STON1: variants seen among roughly 807,000 people sequenced by gnomAD.
STON1 encodes stonin 1, also known as stonin-1.
A neutral mutation model predicts 60.9 loss-of-function variants in STON1; 79 were observed. The observed-to-expected ratio is 1.30, with a 90% CI of 1.08 to 1.56. The LOEUF is 1.56. Ranked by LOEUF, STON1 falls within the 40% of genes most tolerant of loss-of-function variation. The pLI, the probability that STON1 is intolerant of heterozygous loss-of-function variation, is 0.00. For missense variants in STON1, 1,166 were observed against 858.9 expected (o/e 1.36, Z -4.47); for synonymous variants, 363 against 306.9 (o/e 1.18, Z -1.91).
At chr2:48,573,618 A>G (rs1208495583) in intron 1 of STON1, among the ~76,000 whole-genome samples, 1 of 152,188 alleles carries the variant, frequency 6.6e-6, no homozygotes, top group Non-Finnish European at 1.5e-5. Context: ...TAATTTCAGT[A>G]ATTTGTTGTA....
chr2:48,594,898 G>T (rs1196469879), intron 3 of STON1, among the ~76,000 whole-genome samples: 1 of 152,132 alleles, frequency 6.6e-6, no homozygotes, highest in Non-Finnish European at 1.5e-5. Context: ...CAGGTAGAGG[G>T]ATAATTGATC....
chr2:48,557,429 G>C lies in STON1; in HGVS notation c.-47-23158G>C, dbSNP rs1672425442. 2.1e-5 allele frequency among the ~76,000 whole-genome samples: 2 copies of C among 95,630 alleles called. 1 individual carries two copies. The highest frequency in any genetic ancestry group is 7.4e-4 in the South Asian group (2 of 2,692). 62.7% of individuals were successfully genotyped at this position (95,630 alleles called of 152,430 possible). On this transcript the variant is annotated intron_variant, in intron 1 of 3. Coordinates refer to ENST00000404752, the MANE Select transcript of STON1 (RefSeq NM_006873.4). ...TCCTAGATGTGATGGCGGCCGGGCAGAGACGCTCCTCACTTTCCAGACTGG... is the reference window on the plus strand; with the variant it reads ...TCCTAGATGTGATGGCGGCCGGGCACAGACGCTCCTCACTTTCCAGACTGG...
chr2:48,583,444 A>AT (rs1239361313), intron 2 of STON1, among the ~76,000 whole-genome samples: 11 of 152,330 alleles, frequency 7.2e-5, no homozygotes, highest in Middle Eastern at 6.8e-3. Context: ...AATTCAGTTA[A>AT]TTTTTAAAAA....
chr2:48,547,694 A>C (rs996185797), intron 1 of STON1, among the ~76,000 whole-genome samples: 5 of 152,330 alleles, frequency 3.3e-5, no homozygotes, highest in African/African-American at 1.2e-4. Flanking sequence ...AGTTATCTGA[A>C]GGGTGGTCAA....
At chr2:48,570,115 A>G (rs1673125520) in intron 1 of STON1, among the ~76,000 whole-genome samples, 1 of 152,344 alleles carries the variant, frequency 6.6e-6, no homozygotes, top group East Asian at 1.9e-4. Context: ...CAGACAGATC[A>G]CTTGAGGTCA....
chr2:48,593,408 C>A, intron 3 of STON1, among the ~76,000 whole-genome samples: 1 of 152,172 alleles, frequency 6.6e-6, no homozygotes, highest in East Asian at 1.9e-4. Flanking sequence ...AGCCACCACA[C>A]CTGGCCTAAA....
chr2:48,567,071 A>AG (rs1672980464), intron 1 of STON1, among the ~76,000 whole-genome samples: 1 of 152,252 alleles, frequency 6.6e-6, no homozygotes, highest in African/African-American at 2.4e-5. Context: ...TAAATGCCGT[A>AG]GGGGAGGGGC....
At chr2:48,547,813 A>G (rs774127441) in intron 1 of STON1, among the ~76,000 whole-genome samples, 1 of 152,232 alleles carries the variant, frequency 6.6e-6, no homozygotes, top group African/African-American at 2.4e-5. Flanking sequence ...TGTCTACATG[A>G]TAATGAGATG....
At chr2:48,583,311 A>T (rs1372840116) in intron 2 of STON1, among the ~76,000 whole-genome samples, 1 of 152,130 alleles carries the variant, frequency 6.6e-6, no homozygotes, top group Admixed American at 6.5e-5. Flanking sequence ...CTGCTCTTGA[A>T]TTCCTGGGCT....
intron 3 of STON1, 113 bp from the exon 4 acceptor site, chr2:48,595,115 T>A: frequency 1.2e-6 from 1 of 815,406 alleles, no homozygotes. Flanking sequence ...TGTGTCTGTG[T>A]CCAAAGGGTG....
intron 2 of STON1, among the ~76,000 whole-genome samples, chr2:48,587,840 G>C (rs987992176): frequency 2.6e-5 from 4 of 152,200 alleles, no homozygotes; most frequent in African/African-American, 9.6e-5. Context: ...AGGAGGCCCA[G>C]GGAAAACACA....
In STON1 at chr2:48,557,671, G is replaced by A. The variant is rs574168801; in HGVS notation, c.-47-22916G>A. The stretch of plus-strand genomic sequence containing the variant: ...TTGAGCACTGAGTGAACGAGACTCC[G>A]TCTGCAATCCCGGCACCTCGGGAGG... On this transcript the variant is annotated intron_variant, in intron 1 of 3. Transcript: ENST00000404752. 2.3e-3 allele frequency among the ~76,000 whole-genome samples: 161 copies of A among 69,524 alleles called. 33 individuals are homozygous for A. The highest frequency in any genetic ancestry group is 6.7e-3 in the African/African-American group (134 of 20,020). The allele number at this position is 69,524 out of a possible 152,430, so 45.6% of individuals were successfully genotyped here. A position where few individuals can be genotyped will look rare whatever the true frequency, so the allele number is the denominator to read the frequency against.
At chr2:48,536,806 A>G (rs1288389395) in intron 1 of STON1, among the ~76,000 whole-genome samples, 2 of 152,166 alleles carry the variant, frequency 1.3e-5, no homozygotes, top group Admixed American at 1.3e-4. Context: ...TATTCAGGTG[A>G]ATGATTACTG....
At chr2:48,542,574 C>T (rs758605268) in intron 1 of STON1, among the ~76,000 whole-genome samples, 1 of 152,182 alleles carries the variant, frequency 6.6e-6, no homozygotes, top group Non-Finnish European at 1.5e-5. Flanking sequence ...TCTCCACTCT[C>T]CTATTCTTAT....
At chr2:48,548,782 G>A (rs1463473369) in intron 1 of STON1, among the ~76,000 whole-genome samples, 3 of 152,148 alleles carry the variant, frequency 2.0e-5, no homozygotes, top group Admixed American at 2.0e-4. Context: ...TTACAGGCGT[G>A]AGCCACCATG....
At chr2:48,545,802 C>T (rs1671841593) in intron 1 of STON1, among the ~76,000 whole-genome samples, 1 of 152,212 alleles carries the variant, frequency 6.6e-6, no homozygotes. Context: ...ATGTATGTGG[C>T]TCAGGCATTC....
chr2:48,548,910 G>A (rs1336185672), intron 1 of STON1, among the ~76,000 whole-genome samples: 3 of 152,118 alleles, frequency 2.0e-5, no homozygotes, highest in African/African-American at 4.8e-5. Flanking sequence ...CTTGGTATCC[G>A]AGTGAATAGG....
At position 48,564,486 on chromosome 2, in the gene STON1, C is replaced by T. The variant is rs1558604873; in HGVS notation, c.-47-16101C>T. ...CTTCTTCTTCTTCTTCTTCTTTCTT[C>T]TTCTTCTTCTTCTTCTTCTTCTTCT... On this transcript the variant is annotated intron_variant, in intron 1 of 3. Transcript: ENST00000404752. Among the ~76,000 whole-genome samples, 2 of 24,680 alleles carry T rather than the reference C, an allele frequency of 8.1e-5. 1 individual carries two copies. The highest frequency in any genetic ancestry group is 1.6e-4 in the Non-Finnish European group (2 of 12,222). The allele number at this position is 24,680 out of a possible 152,430, so 16.2% of individuals were successfully genotyped here. A position where few individuals can be genotyped will look rare whatever the true frequency, so the allele number is the denominator to read the frequency against.
At chr2:48,541,136 G>A (rs1671632956) in intron 1 of STON1, among the ~76,000 whole-genome samples, 1 of 150,244 alleles carries the variant, frequency 6.7e-6, no homozygotes, top group African/African-American at 2.5e-5. Flanking sequence ...GATAGCTTGA[G>A]GTTGGGGAGT....
Sources: allele counts gnomAD v4.1 joint callset (sites outside exome capture counted in the v4.1 genomes callset), GRCh38; gene constraint gnomAD v4.1.1; transcripts MANE v1.5; gene names NCBI Gene and HGNC (gene_info 2026-07-23, HGNC 2026-07-21).